Variants in DAB1 observed in about 807,000 individuals in gnomAD.
DAB1 encodes DAB adaptor protein 1.
DAB1 carries 15 observed loss-of-function variants against 64.6 expected under a neutral mutation model. The ratio of observed to expected loss-of-function variants is 0.23; its 90% CI spans 0.16 to 0.36. The LOEUF is 0.36. Among genes scored for constraint, DAB1 ranks in the 10% least tolerant of loss-of-function variants. The pLI, the probability that DAB1 is intolerant of heterozygous loss-of-function variation, is 1.00. For missense variants in DAB1, 596 were observed against 706.7 expected, an observed-to-expected ratio of 0.84 and a Z score of 1.78; for synonymous variants, 235 against 251.9, an observed-to-expected ratio of 0.93 and a Z score of 0.64.
chr1:58,390,088 T>C (rs889221257), intron 3 of DAB1, among the ~76,000 whole-genome samples: 15 of 152,094 alleles, frequency 9.9e-5, no homozygotes, highest in African/African-American at 3.6e-4. Flanking sequence ...CAATATATTT[T>C]AGGCTGAGGG....
chr1:57,037,193 A>G (rs1489440554), intron 9 of DAB1, among the ~76,000 whole-genome samples: 2 of 152,338 alleles, frequency 1.3e-5, no homozygotes, highest in Admixed American at 6.5e-5. Context: ...ATGCTGGGGA[A>G]TAAACTCTCA....
At chr1:58,368,077 G>A (rs1644232343) in intron 3 of DAB1, among the ~76,000 whole-genome samples, 1 of 152,246 alleles carries the variant, frequency 6.6e-6, no homozygotes, top group South Asian at 2.1e-4. Context: ...TGACACACTT[G>A]GGGAACTTTT....
In DAB1 at chr1:57,249,036, C is replaced by T. The variant is rs541175534; in HGVS notation, c.67+41928G>A. On this transcript the variant is annotated intron_variant, in intron 2 of 14. Coordinates refer to ENST00000371236, the MANE Select transcript of DAB1 (RefSeq NM_001365792.1). The stretch of plus-strand genomic sequence containing the variant: ...AGATGTGGGCAGTGCCAAGTCAGAC[C>T]GCCTATAAAGGTTTCACACAGTGCT... Among the ~76,000 whole-genome samples the T allele has an allele frequency of 5.3e-5, 8 of 152,282 alleles. No individual in the cohort carries two copies. In the South Asian group the frequency reaches 6.2e-4, roughly 12 times the overall value.
chr1:58,512,596 A>G (rs1646096601), intron 2 of DAB1, among the ~76,000 whole-genome samples: 1 of 152,228 alleles, frequency 6.6e-6, no homozygotes, highest in South Asian at 2.1e-4. Flanking sequence ...CATATGCAAC[A>G]ATACGGATAA....
At chr1:58,546,435 C>G (rs1646706790) in intron 1 of DAB1, among the ~76,000 whole-genome samples, 1 of 152,130 alleles carries the variant, frequency 6.6e-6, no homozygotes, top group African/African-American at 2.4e-5. Context: ...CGGCGTGCCC[C>G]GGGCAAGGCT....
chr1:57,317,722 A>G (rs1241447252), intron 1 of DAB1, among the ~76,000 whole-genome samples: 1 of 152,190 alleles, frequency 6.6e-6, no homozygotes, highest in Non-Finnish European at 1.5e-5. Context: ...AGATCTATTG[A>G]GTCAAAATCT....
intron 2 of DAB1, among the ~76,000 whole-genome samples, chr1:57,265,738 ATG>A (rs1352462144): frequency 1.3e-5 from 2 of 152,216 alleles, no homozygotes; most frequent in African/African-American, 4.8e-5. Flanking sequence ...AGATCTATAC[ATG>A]TAAACCAATA....
At chr1:58,363,097 CT>C (rs2100527508) in intron 3 of DAB1, among the ~76,000 whole-genome samples, 1 of 152,278 alleles carries the variant, frequency 6.6e-6, no homozygotes, top group East Asian at 1.9e-4. Context: ...ATCCTCATAA[CT>C]TCACCTGTCC....
intron 4 of DAB1, among the ~76,000 whole-genome samples, chr1:58,230,101 A>C (rs115281011): frequency 0.021 from 3,148 of 152,256 alleles, 101 homozygotes; most frequent in African/African-American, 0.072. Context: ...CTCAGTCATC[A>C]AGACTGATGT....
intron 12 of DAB1, among the ~76,000 whole-genome samples, chr1:57,012,355 A>T (rs1024806837): frequency 6.6e-6 from 1 of 152,236 alleles, no homozygotes; most frequent in Non-Finnish European, 1.5e-5. Flanking sequence ...ACCTTAATAT[A>T]AATACCTGCA....
intron 5 of DAB1, among the ~76,000 whole-genome samples, chr1:58,061,711 C>T (rs1400319165): frequency 6.6e-6 from 1 of 152,182 alleles, no homozygotes; most frequent in African/African-American, 2.4e-5. Flanking sequence ...ATAACATTCT[C>T]TAAGGCTGTT....
At chr1:57,605,891 T>C in intron 7 of DAB1, 1 of 663,148 alleles carries the variant, frequency 1.5e-6, no homozygotes, top group Non-Finnish European at 2.8e-6. Flanking sequence ...CCTAGCTCAG[T>C]ACTGATGGAA....
intron 6 of DAB1, among the ~76,000 whole-genome samples, chr1:57,793,886 A>G (rs1650719907): frequency 6.6e-6 from 1 of 152,190 alleles, no homozygotes; most frequent in South Asian, 2.1e-4. Flanking sequence ...TCTCATGACT[A>G]GCAGCCCATT....
intron 5 of DAB1, among the ~76,000 whole-genome samples, chr1:58,004,728 C>G (rs568457870): frequency 2.6e-5 from 4 of 152,110 alleles, no homozygotes; most frequent in African/African-American, 4.8e-5. Flanking sequence ...CCCAAACACA[C>G]GCACGTGCCC....
At position 57,382,109 on chromosome 1, in the gene DAB1, T is replaced by C. The variant is rs1681432076; in HGVS notation, c.-137+41821A>G. On this transcript the variant is annotated intron_variant, in intron 1 of 14. Coordinates refer to ENST00000371236, the MANE Select transcript of DAB1 (RefSeq NM_001365792.1). ...AAAGCTTTCACCCTCCCTCTTCCCG[T>C]CTCAGTTGAGAGACTCACCTTATCT... Among the ~76,000 whole-genome samples the C allele has an allele frequency of 3.9e-5, 6 of 152,288 alleles. No individual in the cohort carries two copies. In the South Asian group the frequency reaches 1.2e-3, roughly 32 times the overall value.
intron 6 of DAB1, among the ~76,000 whole-genome samples, chr1:57,818,905 C>T (rs1225839223): frequency 1.3e-5 from 2 of 152,104 alleles, no homozygotes; most frequent in African/African-American, 2.4e-5. Flanking sequence ...AACCAATCAA[C>T]TAGCCTCTTC....
chr1:57,299,720 C>G (rs997280818), intron 1 of DAB1, among the ~76,000 whole-genome samples: 3 of 152,148 alleles, frequency 2.0e-5, no homozygotes, highest in African/African-American at 7.2e-5. Flanking sequence ...AAAAACATAT[C>G]TACCAGTAGT....
intron 2 of DAB1, among the ~76,000 whole-genome samples, chr1:57,202,249 G>C (rs1234690596): frequency 6.6e-6 from 1 of 152,224 alleles, no homozygotes; most frequent in Admixed American, 6.5e-5. Flanking sequence ...TATAGGGACT[G>C]TGCTTGCAGG....
At chr1:57,079,364 C>A (rs1397329788) in intron 4 of DAB1, among the ~76,000 whole-genome samples, 2 of 152,110 alleles carry the variant, frequency 1.3e-5, no homozygotes, top group Admixed American at 6.5e-5. Flanking sequence ...TTCCAAGTAC[C>A]TTTTGCTTGT....
Sources: allele counts gnomAD v4.1 joint callset (sites outside exome capture counted in the v4.1 genomes callset), GRCh38; gene constraint gnomAD v4.1.1; transcripts MANE v1.5; gene names NCBI Gene and HGNC (gene_info 2026-07-23, HGNC 2026-07-21).